WWOX: variants seen among roughly 807,000 people sequenced by gnomAD.
The protein encoded by WWOX is WW domain containing oxidoreductase.
In WWOX, 69 loss-of-function variants were observed where a neutral mutation model predicts 46.2. The ratio of observed to expected loss-of-function variants is 1.49; its 90% confidence interval spans 1.23 to 1.82. WWOX has a LOEUF of 1.82. Among genes scored for constraint, WWOX ranks in the 40% most tolerant of loss-of-function variants. WWOX has a pLI of 0.00. For synonymous variants in WWOX, 359 were observed against 202.6 expected (o/e 1.77, Z -6.56); for missense variants, 919 against 542.6 (o/e 1.69, Z -6.89).
intron 8 of WWOX, among the ~76,000 whole-genome samples, chr16:78,752,048 C>G (rs1042137017): frequency 1.3e-5 from 2 of 152,096 alleles, no homozygotes; most frequent in East Asian, 3.9e-4. Flanking sequence ...AAAATTCACT[C>G]ACAGAAGTGA....
intron 6 of WWOX, among the ~76,000 whole-genome samples, chr16:78,391,217 G>C (rs1046549517): frequency 6.6e-6 from 1 of 152,194 alleles, no homozygotes; most frequent in Non-Finnish European, 1.5e-5. Context: ...GGAGGCTGTT[G>C]TAGAGGGAGC....
intron 5 of WWOX, among the ~76,000 whole-genome samples, chr16:78,183,898 T>C (rs2035612138): frequency 6.6e-6 from 1 of 152,214 alleles, no homozygotes; most frequent in African/African-American, 2.4e-5. Flanking sequence ...CAGAAACCTC[T>C]GGTCCGTGAG....
intron 8 of WWOX, among the ~76,000 whole-genome samples, chr16:78,778,939 C>G (rs1488328430): frequency 6.6e-6 from 1 of 152,144 alleles, no homozygotes; most frequent in African/African-American, 2.4e-5. Flanking sequence ...CTTGTTCACC[C>G]CTTGGCAATA....
chr16:78,846,566 G>C (rs1174673625), intron 8 of WWOX, among the ~76,000 whole-genome samples: 1 of 152,086 alleles, frequency 6.6e-6, no homozygotes, highest in Non-Finnish European at 1.5e-5. Context: ...ATACATAAGT[G>C]ATGTGCCATT....
chr16:78,543,817 C>G (rs938031016), intron 8 of WWOX, among the ~76,000 whole-genome samples: 2 of 152,090 alleles, frequency 1.3e-5, no homozygotes, highest in African/African-American at 4.8e-5. Context: ...TTGCATCTCC[C>G]GCAGGGCCTG....
chr16:78,692,672 G>A (rs2048016500), intron 8 of WWOX, among the ~76,000 whole-genome samples: 1 of 152,242 alleles, frequency 6.6e-6, no homozygotes, highest in Admixed American at 6.5e-5. Context: ...AGGGTCACCA[G>A]TGGAGTCCCA....
chr16:78,373,870 C>T (rs546455946), intron 5 of WWOX, among the ~76,000 whole-genome samples: 176 of 152,290 alleles, frequency 1.2e-3, no homozygotes, highest in African/African-American at 4.0e-3. Context: ...TCACTGCAAA[C>T]TCTGCCTCCT....
intron 8 of WWOX, among the ~76,000 whole-genome samples, chr16:79,139,249 A>T (rs1470120604): frequency 1.3e-5 from 2 of 152,188 alleles, no homozygotes; most frequent in South Asian, 2.1e-4. Flanking sequence ...AGAAGGACAG[A>T]TTTTCTTTGT....
At chr16:79,074,985 T>C (rs74034334) in intron 8 of WWOX, among the ~76,000 whole-genome samples, 316 of 152,292 alleles carry the variant, frequency 2.1e-3, no homozygotes, top group African/African-American at 7.3e-3. Context: ...TCTCAACTTC[T>C]ACACATTCGA....
rs8060026 is a variant in WWOX, at chr16:78,712,300, G to A, written c.1056+279548G>A. The stretch of plus-strand genomic sequence containing the variant: ...GGGCAGATCATGAGGTCAAGAGATC[G>A]AAACCATCCTGGCCAACCTGGTGAA... On this transcript the variant is annotated intron_variant, in intron 8 of 8. Transcript: ENST00000566780. Among the ~76,000 whole-genome samples, 970 of 152,112 alleles carry A rather than the reference G, an allele frequency of 6.4e-3. 9 individuals carry two copies. Among genetic ancestry groups the A allele is most frequent in the Non-Finnish European group, 0.011 (764 of 67,994 alleles).
At chr16:78,209,374 C>G (rs1220395297) in intron 5 of WWOX, among the ~76,000 whole-genome samples, 1 of 152,188 alleles carries the variant, frequency 6.6e-6, no homozygotes, top group Non-Finnish European at 1.5e-5. Context: ...CTTCATCTAG[C>G]TCAAGCCAAC....
chr16:79,002,760 T>C (rs2047119224), intron 8 of WWOX, among the ~76,000 whole-genome samples: 1 of 152,144 alleles, frequency 6.6e-6, no homozygotes, highest in African/African-American at 2.4e-5. Context: ...GTTCTCCCTG[T>C]CTATAAGGGG....
intron 8 of WWOX, among the ~76,000 whole-genome samples, chr16:78,788,833 T>G (rs1050608709): frequency 1.3e-5 from 2 of 152,206 alleles, no homozygotes; most frequent in East Asian, 3.9e-4. Flanking sequence ...TCTTGGGGAC[T>G]GAGCCTCCAA....
At chr16:78,794,938 C>G (rs761492429) in intron 8 of WWOX, among the ~76,000 whole-genome samples, 3 of 152,202 alleles carry the variant, frequency 2.0e-5, no homozygotes, top group Non-Finnish European at 2.9e-5. Context: ...CTGCAAATAT[C>G]TATGGTTGAT....
intron 8 of WWOX, among the ~76,000 whole-genome samples, chr16:78,817,789 TG>T (rs2142733085): frequency 6.6e-6 from 1 of 152,236 alleles, no homozygotes; most frequent in Admixed American, 6.5e-5. Context: ...CCCTCTGTCT[TG>T]GATGGAAAGA....
intron 8 of WWOX, among the ~76,000 whole-genome samples, chr16:78,739,757 G>C (rs999646488): frequency 6.6e-6 from 1 of 152,154 alleles, no homozygotes; most frequent in Non-Finnish European, 1.5e-5. Context: ...GTTGCAGTGA[G>C]CCGAGATCGT....
intron 8 of WWOX, among the ~76,000 whole-genome samples, chr16:78,930,480 G>A (rs1228741653): frequency 4.4e-4 from 63 of 141,774 alleles, no homozygotes; most frequent in Middle Eastern, 7.4e-3. Flanking sequence ...CTGTAGAGAC[G>A]GGGTTTCACC....
intron 8 of WWOX, among the ~76,000 whole-genome samples, chr16:78,827,636 C>A (rs1340153309): frequency 6.6e-6 from 1 of 150,880 alleles, no homozygotes; most frequent in Non-Finnish European, 1.5e-5. Flanking sequence ...ACTTCGAGAC[C>A]AGCCTGGCCA....
chr16:78,538,714 G>T (rs886748875), intron 8 of WWOX, among the ~76,000 whole-genome samples: 1 of 152,140 alleles, frequency 6.6e-6, no homozygotes, highest in Non-Finnish European at 1.5e-5. Flanking sequence ...AAGGGACCAG[G>T]TTAATCTTAT....
Sources: allele counts gnomAD v4.1 joint callset (sites outside exome capture counted in the v4.1 genomes callset), GRCh38; gene constraint gnomAD v4.1.1; transcripts MANE v1.5; gene names NCBI Gene and HGNC (gene_info 2026-07-23, HGNC 2026-07-21).